Variants in TMEM108 observed in about 807,000 individuals in gnomAD.
The protein encoded by TMEM108 is cancer/testis antigen 124.
TMEM108 carries 12 observed loss-of-function variants against 35.1 expected under a neutral mutation model. The ratio of observed to expected loss-of-function variants is 0.34; its 90% CI spans 0.22 to 0.55. TMEM108 has a LOEUF of 0.55. Ranked by LOEUF, TMEM108 falls within the 20% of genes least tolerant of loss-of-function variation. The pLI, the probability that TMEM108 is intolerant of heterozygous loss-of-function variation, is 0.89. For synonymous variants in TMEM108, 287 were observed against 308.6 expected, an observed-to-expected ratio of 0.93 and a Z score of 0.73; for missense variants, 680 against 753.3, an observed-to-expected ratio of 0.90 and a Z score of 1.14.
intron 2 of TMEM108, among the ~76,000 whole-genome samples, chr3:133,092,768 A>T (rs1371429827): frequency 6.6e-6 from 1 of 152,130 alleles, no homozygotes; most frequent in Non-Finnish European, 1.5e-5. Context: ...CTTCTAATTC[A>T]TTGTATTCAG....
intron 2 of TMEM108, among the ~76,000 whole-genome samples, chr3:133,075,651 A>G (rs779381587): frequency 1.3e-5 from 2 of 151,934 alleles, no homozygotes; most frequent in South Asian, 2.1e-4. Flanking sequence ...CCTTGCACCT[A>G]TCCTTTTTAT....
intron 3 of TMEM108, among the ~76,000 whole-genome samples, chr3:133,376,660 C>T (rs1463860417): frequency 6.6e-6 from 1 of 152,194 alleles, no homozygotes; most frequent in Non-Finnish European, 1.5e-5. Flanking sequence ...GCAGCCTACT[C>T]AGCTCCACTG....
intron 2 of TMEM108, among the ~76,000 whole-genome samples, chr3:133,215,061 T>A (rs1005816399): frequency 3.9e-5 from 6 of 152,168 alleles, no homozygotes; most frequent in Non-Finnish European, 5.9e-5. Flanking sequence ...CCATTTCTCA[T>A]AAGAGAAATA....
Position 133,150,625 on chromosome 3 carries a change from T to G in TMEM108, c.-46-78641T>G, listed in dbSNP as rs545457014. 2.6e-5 allele frequency among the ~76,000 whole-genome samples: 4 copies of G among 152,260 alleles called. 1 individual carries two copies. Among genetic ancestry groups the G allele is most frequent in the African/African-American group, 9.6e-5 (4 of 41,558 alleles). The stretch of plus-strand genomic sequence containing the variant: ...TATTCATCTACTTGAATAGTAAGAA[T>G]AATTAGAGAATTAGAGCGTGTGAGC... On this transcript the variant is annotated intron_variant, in intron 2 of 5. Coordinates refer to ENST00000321871, the MANE Select transcript of TMEM108 (RefSeq NM_023943.4).
chr3:133,334,563 A>C (rs1164784925), intron 3 of TMEM108, among the ~76,000 whole-genome samples: 1 of 152,082 alleles, frequency 6.6e-6, no homozygotes, highest in Non-Finnish European at 1.5e-5. Flanking sequence ...TGGGGTTCGC[A>C]GGTTATGGTC....
chr3:133,285,808 C>T (rs1338011440), intron 3 of TMEM108, among the ~76,000 whole-genome samples: 1 of 152,176 alleles, frequency 6.6e-6, no homozygotes, highest in East Asian at 1.9e-4. Flanking sequence ...TGCTTCAGCC[C>T]CCATCACTGC....
Position 133,397,406 on chromosome 3 carries a change from T to A in TMEM108, c.*1420T>A, listed in dbSNP as rs1425134907. On this transcript the variant is annotated 3_prime_UTR_variant, in exon 6 of 6. Transcript: ENST00000321871. Reference sequence around the variant, plus strand: ...ATTTTCCTTAAAAAAAAAAAAAAGATGGCCTTCAAAAGTGTGTTCTCAATG... The same window carrying A: ...ATTTTCCTTAAAAAAAAAAAAAAGAAGGCCTTCAAAAGTGTGTTCTCAATG... 1.3e-5 allele frequency: 2 copies of A among 150,788 alleles called. No individual in the cohort carries two copies. The highest frequency in any genetic ancestry group is 4.9e-5 in the African/African-American group (2 of 41,118). The allele number at this position is 150,788 out of a possible 1,614,324, so 9.3% of individuals were successfully genotyped here.
chr3:133,260,516 A>G (rs1559885237), intron 3 of TMEM108, among the ~76,000 whole-genome samples: 1 of 152,140 alleles, frequency 6.6e-6, no homozygotes, highest in South Asian at 2.1e-4. Context: ...GACCTGCCTG[A>G]GATTGTTGAG....
At chr3:133,068,296 G>A (rs1943634911) in intron 2 of TMEM108, among the ~76,000 whole-genome samples, 1 of 152,106 alleles carries the variant, frequency 6.6e-6, no homozygotes, top group South Asian at 2.1e-4. Context: ...GAAAAGGTTA[G>A]CCAGGTGTTG....
chr3:133,267,011 C>T (rs920641376), intron 3 of TMEM108, among the ~76,000 whole-genome samples: 3 of 146,628 alleles, frequency 2.0e-5, no homozygotes, highest in Admixed American at 7.0e-5. Flanking sequence ...ACCCAGGAGG[C>T]GGAGTTTGCA....
Position 133,046,295 on chromosome 3 carries a change from C to A in TMEM108, c.-47+275C>A, listed in dbSNP as rs1943339468. On this transcript the variant is annotated intron_variant, in intron 2 of 5. Transcript: ENST00000321871. ...TAGGGTGTGATTTATATGGGAGGGG[C>A]TGTTGAGCCCTCTTGAGGTGCACTG... Among the ~76,000 whole-genome samples, 3 of 152,138 alleles carry A rather than the reference C, an allele frequency of 2.0e-5. No homozygotes were observed. In the South Asian group the frequency reaches 6.2e-4, roughly 32 times the overall value.
intron 2 of TMEM108, among the ~76,000 whole-genome samples, chr3:133,148,074 C>A (rs1944747034): frequency 1.3e-5 from 2 of 152,170 alleles, no homozygotes; most frequent in South Asian, 4.1e-4. Context: ...TGTATACCTG[C>A]ATTAATATAC....
rs146027126 is a variant in TMEM108 at position 133,050,415 on chromosome 3, C to A, written c.-47+4395C>A. ...ACAGATTTCCCATATACCTCCTACTCCTCCTACTCCCTATACATGCATGGC... is the reference window on the plus strand; with the variant it reads ...ACAGATTTCCCATATACCTCCTACTACTCCTACTCCCTATACATGCATGGC... On this transcript the variant is annotated intron_variant, in intron 2 of 5. Coordinates refer to ENST00000321871, the MANE Select transcript of TMEM108 (RefSeq NM_023943.4). Among the ~76,000 whole-genome samples, 597 of 152,246 alleles carry A rather than the reference C, an allele frequency of 3.9e-3. 6 individuals carry two copies. Among genetic ancestry groups the A allele is most frequent in the African/African-American group, 0.014 (563 of 41,566 alleles).
intron 3 of TMEM108, among the ~76,000 whole-genome samples, chr3:133,272,137 A>C (rs1946778987): frequency 1.3e-5 from 2 of 152,156 alleles, no homozygotes; most frequent in African/African-American, 2.4e-5. Context: ...AATAAGGCCA[A>C]ATAGGATATT....
chr3:133,230,592 A>T (rs1482720327), intron 3 of TMEM108, among the ~76,000 whole-genome samples: 1 of 152,196 alleles, frequency 6.6e-6, no homozygotes, highest in Non-Finnish European at 1.5e-5. Flanking sequence ...GAGACATATG[A>T]AGGATAAATA....
chr3:133,357,609 AAAT>A (rs1576494949), intron 3 of TMEM108, among the ~76,000 whole-genome samples: 1 of 152,202 alleles, frequency 6.6e-6, no homozygotes, highest in East Asian at 1.9e-4. Flanking sequence ...AAAAGAAACA[AAAT>A]AATGTGATTT....
chr3:133,105,571 C>A (rs947553165), intron 2 of TMEM108, among the ~76,000 whole-genome samples: 6 of 152,126 alleles, frequency 3.9e-5, no homozygotes, highest in African/African-American at 1.2e-4. Flanking sequence ...CACTGCAGTA[C>A]CTGGGTTAGC....
intron 2 of TMEM108, among the ~76,000 whole-genome samples, chr3:133,113,679 T>C (rs920914352): frequency 2.0e-5 from 3 of 152,056 alleles, no homozygotes; most frequent in Non-Finnish European, 4.4e-5. Context: ...AACCCACCCC[T>C]ACCCTTGAGT....
At chr3:133,177,141 C>A (rs902078617) in intron 2 of TMEM108, among the ~76,000 whole-genome samples, 2 of 152,142 alleles carry the variant, frequency 1.3e-5, no homozygotes, top group African/African-American at 4.8e-5. Context: ...CTGAATAGAC[C>A]AATAACAGGC....
Sources: gnomAD v4.1 joint callset for allele counts (sites outside exome capture counted in the v4.1 genomes callset) on GRCh38, gnomAD v4.1.1 for gene constraint, MANE v1.5 for transcripts, NCBI Gene and HGNC (gene_info 2026-07-23, HGNC 2026-07-21) for gene names.